Variants in MAP3K20 observed in about 807,000 individuals in gnomAD.
MAP3K20 encodes the protein HCCS-4.
MAP3K20 carries 40 observed loss-of-function variants against 85.7 expected under a neutral mutation model. The ratio of observed to expected loss-of-function variants is 0.47; its 90% CI spans 0.36 to 0.61. The LOEUF is 0.61. MAP3K20 is among the 20% of genes least tolerant of loss of function. The probability of loss-of-function intolerance (pLI) is 0.00; values close to 1 mark genes in which losing one functional copy is unlikely to be tolerated. For missense variants in MAP3K20, 817 were observed against 961.7 expected (o/e 0.85, Z 1.99); for synonymous variants, 325 against 327.7 (o/e 0.99, Z 0.09).
intron 16 of MAP3K20, among the ~76,000 whole-genome samples, chr2:173,239,717 GC>G: frequency 6.6e-6 from 1 of 152,286 alleles, no homozygotes; most frequent in South Asian, 2.1e-4. Context: ...CCCATGTGAG[GC>G]CACCCAAACA....
chr2:173,223,332 C>T (rs1393879932), intron 11 of MAP3K20: 8 of 892,352 alleles, frequency 9.0e-6, no homozygotes, highest in Non-Finnish European at 1.1e-5. Context: ...TGATCTTCAG[C>T]GTGGGAATAA....
At chr2:173,262,364 C>T (rs2106357687) in intron 18 of MAP3K20, among the ~76,000 whole-genome samples, 1 of 152,256 alleles carries the variant, frequency 6.6e-6, no homozygotes, top group South Asian at 2.1e-4. Flanking sequence ...CTTTGGGAGG[C>T]CAAGGCGGGT....
intron 7 of MAP3K20, chr2:173,192,867 T>C (rs1003440536): frequency 6.6e-6 from 1 of 152,190 alleles, no homozygotes; most frequent in Non-Finnish European, 1.5e-5. Context: ...TTTTGTCCTG[T>C]TGAAATAGGA....
chr2:173,179,216 A>G (rs1690252544), intron 3 of MAP3K20, among the ~76,000 whole-genome samples: 1 of 152,030 alleles, frequency 6.6e-6, no homozygotes, highest in African/African-American at 2.4e-5. Context: ...ACACAGTGAA[A>G]CCCCGTCTCT....
chr2:173,111,897 C>T (rs1027670863), intron 2 of MAP3K20, among the ~76,000 whole-genome samples: 1 of 151,638 alleles, frequency 6.6e-6, no homozygotes, highest in Non-Finnish European at 1.5e-5. Context: ...GCTATGCATG[C>T]TCTTTTTTGG....
At chr2:173,093,730 G>C (rs1332169116) in intron 2 of MAP3K20, among the ~76,000 whole-genome samples, 1 of 151,956 alleles carries the variant, frequency 6.6e-6, no homozygotes, top group African/African-American at 2.4e-5. Context: ...GCAGAGACTT[G>C]GAACCAACCC....
intron 2 of MAP3K20, among the ~76,000 whole-genome samples, chr2:173,118,475 G>T (rs547166487): frequency 1.6e-3 from 241 of 151,806 alleles, no homozygotes; most frequent in African/African-American, 5.4e-3. Context: ...TTGGTTTTTT[G>T]AGGGGGGTGA....
intron 1 of MAP3K20, among the ~76,000 whole-genome samples, chr2:173,081,235 C>G (rs2106135060): frequency 6.7e-6 from 1 of 148,468 alleles, no homozygotes; most frequent in South Asian, 2.1e-4. Flanking sequence ...CTATGTTGTC[C>G]AGGCTGGCCT....
intron 17 of MAP3K20, 125 bp from the exon 18 acceptor site, chr2:173,260,938 T>C: frequency 1.3e-6 from 1 of 753,186 alleles, no homozygotes; most frequent in Non-Finnish European, 2.2e-6. Flanking sequence ...AACAAGGCTT[T>C]CATGATAATC....
intron 11 of MAP3K20, 129 bp downstream of exon 11, chr2:173,217,379 T>C (rs1684110195): frequency 8.7e-7 from 1 of 1,148,562 alleles, no homozygotes. Context: ...CGCCCGTGTA[T>C]TAAAGGGCCC....
chr2:173,217,342 G>A (rs1461890283), intron 11 of MAP3K20, 92 bp downstream of exon 11: 9 of 1,324,552 alleles, frequency 6.8e-6, no homozygotes, highest in Non-Finnish European at 7.8e-6. Flanking sequence ...CCTGCCTCCC[G>A]CCGCCCCCTC....
At position 173,097,297 on chromosome 2, in the gene MAP3K20, A is replaced by G. The variant is rs545400325; in HGVS notation, c.159+6107A>G. Among the ~76,000 whole-genome samples, 77 of 152,330 alleles carry G rather than the reference A, an allele frequency of 5.1e-4. No homozygotes were observed. In the South Asian group the frequency reaches 0.015, roughly 30 times the overall value. ...CTTGAACCCGGGAGGCAGAGGTTGT[A>G]GTGAGCCAAGATGGTGCCAGTGCAC... On this transcript the variant is annotated intron_variant, in intron 2 of 19. Transcript: ENST00000375213.
intron 3 of MAP3K20, among the ~76,000 whole-genome samples, chr2:173,179,703 C>T (rs541954884): frequency 5.0e-4 from 45 of 90,542 alleles, no homozygotes; most frequent in African/African-American, 1.4e-3. Flanking sequence ...CTAAGGAATG[C>T]GCACACACAC....
chr2:173,228,036 T>C (rs1684432622), intron 11 of MAP3K20, among the ~76,000 whole-genome samples: 1 of 152,162 alleles, frequency 6.6e-6, no homozygotes, highest in African/African-American at 2.4e-5. Flanking sequence ...AGCAAGTGAA[T>C]GTGTGTGATG....
chr2:173,258,576 G>GA (rs11326134), intron 16 of MAP3K20, 123 bp from the exon 17 acceptor site: 16,398 of 498,842 alleles, frequency 0.033, 338 homozygotes, highest in African/African-American at 0.13. Flanking sequence ...ATTGAAAAAG[G>GA]AAAAAAAAAA....
chr2:173,261,004 A>G, intron 17 of MAP3K20, 59 bp from the exon 18 acceptor site: 1 of 1,523,808 alleles, frequency 6.6e-7, no homozygotes, highest in Non-Finnish European at 9.1e-7. Flanking sequence ...TCAAAGAAAC[A>G]TACTATAGTA....
intron 2 of MAP3K20, among the ~76,000 whole-genome samples, chr2:173,110,308 C>T (rs1273915604): frequency 8.6e-6 from 1 of 116,376 alleles, no homozygotes; most frequent in African/African-American, 3.4e-5. Flanking sequence ...GGCTGGAGTG[C>T]AGTGGTGTGA....
At chr2:173,151,980 A>G (rs559791374) in intron 2 of MAP3K20, among the ~76,000 whole-genome samples, 8 of 152,368 alleles carry the variant, frequency 5.3e-5, no homozygotes, top group Middle Eastern at 3.4e-3. Flanking sequence ...ATAATAAACT[A>G]TGTGGTCTGC....
At chr2:173,157,870 C>T (rs1209971744) in intron 2 of MAP3K20, among the ~76,000 whole-genome samples, 1 of 152,160 alleles carries the variant, frequency 6.6e-6, no homozygotes, top group African/African-American at 2.4e-5. Flanking sequence ...GCAGCTCAGG[C>T]CCTAAGAGGA....
Sources: allele counts gnomAD v4.1 joint callset (sites outside exome capture counted in the v4.1 genomes callset), GRCh38; gene constraint gnomAD v4.1.1; transcripts MANE v1.5; gene names NCBI Gene and HGNC (gene_info 2026-07-23, HGNC 2026-07-21).